Variants in CNTNAP5 observed in about 807,000 individuals in gnomAD.
The protein encoded by CNTNAP5 is contactin associated protein family member 5, also known as contactin-associated protein-like 5.
CNTNAP5 carries 72 observed loss-of-function variants against 150.2 expected under a neutral mutation model. That is an observed-to-expected ratio of 0.48 (90% confidence interval 0.40 to 0.58). The LOEUF is 0.58. Among genes scored for constraint, CNTNAP5 ranks in the 20% least tolerant of loss-of-function variants. CNTNAP5 has a pLI of 0.00. For synonymous variants in CNTNAP5, 672 were observed against 619.8 expected (o/e 1.08, Z -1.25); for missense variants, 1,636 against 1,626.2 (o/e 1.01, Z -0.10).
chr2:124,140,031 C>T (rs12619591), intron 1 of CNTNAP5, among the ~76,000 whole-genome samples: 12,924 of 152,070 alleles, frequency 0.085, 697 homozygotes, highest in East Asian at 0.32. Context: ...GGGTGACAGA[C>T]GCACCTGGAA....
intron 6 of CNTNAP5, among the ~76,000 whole-genome samples, chr2:124,450,757 C>G (rs987808715): frequency 6.6e-6 from 1 of 151,602 alleles, no homozygotes; most frequent in Non-Finnish European, 1.5e-5. Flanking sequence ...AAAAATAGTT[C>G]TTTTCTAACA....
chr2:124,137,893 A>G (rs1474192360), intron 1 of CNTNAP5, among the ~76,000 whole-genome samples: 1 of 152,120 alleles, frequency 6.6e-6, no homozygotes, highest in Non-Finnish European at 1.5e-5. Context: ...CAGGTTCTAA[A>G]TTCAGAAGAA....
chr2:124,165,143 A>C (rs943241384), intron 1 of CNTNAP5, among the ~76,000 whole-genome samples: 5 of 152,188 alleles, frequency 3.3e-5, no homozygotes, highest in African/African-American at 1.2e-4. Context: ...TCAGGTGATG[A>C]TATAAACAGA....
At chr2:124,303,222 C>T (rs1442436996) in intron 3 of CNTNAP5, among the ~76,000 whole-genome samples, 1 of 151,916 alleles carries the variant, frequency 6.6e-6, no homozygotes, top group African/African-American at 2.4e-5. Flanking sequence ...AGGAGGGAGG[C>T]AGAAACCAAG....
At chr2:124,262,254 T>G (rs1397806601) in intron 3 of CNTNAP5, among the ~76,000 whole-genome samples, 2 of 151,980 alleles carry the variant, frequency 1.3e-5, no homozygotes, top group Non-Finnish European at 2.9e-5. Flanking sequence ...CAAAAAATAA[T>G]AAATGAATAA....
intron 1 of CNTNAP5, among the ~76,000 whole-genome samples, chr2:124,039,712 G>A (rs180935506): frequency 7.9e-5 from 12 of 151,976 alleles, no homozygotes; most frequent in Admixed American, 3.3e-4. Flanking sequence ...TCTACACTGC[G>A]CTCTCTCCTC....
chr2:124,080,569 G>A lies in CNTNAP5; in HGVS notation c.82+54837G>A, dbSNP rs528281808. Among the ~76,000 whole-genome samples the A allele has an allele frequency of 6.6e-5, 10 of 152,218 alleles. No individual in the cohort carries two copies. The South Asian group carries it at 1.5e-3, about 22-fold the overall frequency. On this transcript the variant is annotated intron_variant, in intron 1 of 23. Coordinates refer to ENST00000682447, the MANE Select transcript of CNTNAP5 (RefSeq NM_001367498.1). Reference sequence around the variant, plus strand: ...AATTGATTGCACACAAAATTCATCCGAGGGAACACTGAAAATCATTTCCAA... The same window carrying A: ...AATTGATTGCACACAAAATTCATCCAAGGGAACACTGAAAATCATTTCCAA...
At chr2:124,058,702 A>G (rs1312203311) in intron 1 of CNTNAP5, among the ~76,000 whole-genome samples, 1 of 152,140 alleles carries the variant, frequency 6.6e-6, no homozygotes, top group Admixed American at 6.5e-5. Flanking sequence ...TAGGTGCTCA[A>G]ATTTTATTTG....
chr2:124,147,553 G>A (rs1684284894), intron 1 of CNTNAP5, among the ~76,000 whole-genome samples: 1 of 152,200 alleles, frequency 6.6e-6, no homozygotes, highest in South Asian at 2.1e-4. Context: ...ACACACAGAG[G>A]TTGAGTGAAG....
intron 18 of CNTNAP5, among the ~76,000 whole-genome samples, chr2:124,793,332 A>G (rs62171347): frequency 6.6e-6 from 1 of 152,198 alleles, no homozygotes; most frequent in African/African-American, 2.4e-5. Context: ...TTGTATACAT[A>G]AATTTTTTGG....
intron 1 of CNTNAP5, among the ~76,000 whole-genome samples, chr2:124,139,830 G>A (rs1006442105): frequency 1.1e-4 from 16 of 152,278 alleles, no homozygotes; most frequent in African/African-American, 2.4e-4. Flanking sequence ...AGCTCCCAGC[G>A]TGAGCGACGC....
At chr2:124,033,819 C>A (rs72976577) in intron 1 of CNTNAP5, among the ~76,000 whole-genome samples, 3 of 152,070 alleles carry the variant, frequency 2.0e-5, no homozygotes, top group African/African-American at 4.8e-5. Context: ...GGGAAGGGAG[C>A]CTTCCAATTC....
chr2:124,039,721 T>TC (rs1681316082), intron 1 of CNTNAP5, among the ~76,000 whole-genome samples: 1 of 151,864 alleles, frequency 6.6e-6, no homozygotes, highest in African/African-American at 2.4e-5. Flanking sequence ...CGCTCTCTCC[T>TC]CCCCCCAGTG....
intron 10 of CNTNAP5, among the ~76,000 whole-genome samples, chr2:124,530,732 A>G (rs1271741624): frequency 6.6e-6 from 1 of 152,126 alleles, no homozygotes; most frequent in Non-Finnish European, 1.5e-5. Context: ...AGAATAAGGC[A>G]TTCCTGACAC....
chr2:124,148,625 T>C (rs1194874962), intron 1 of CNTNAP5, among the ~76,000 whole-genome samples: 1 of 149,160 alleles, frequency 6.7e-6, no homozygotes, highest in African/African-American at 2.4e-5. Flanking sequence ...AAGGAAACTA[T>C]TGATAATGCT....
At chr2:124,869,358 A>G (rs1217671007) in intron 20 of CNTNAP5, among the ~76,000 whole-genome samples, 1 of 152,138 alleles carries the variant, frequency 6.6e-6, no homozygotes, top group African/African-American at 2.4e-5. Context: ...AGCAGGTTTC[A>G]TTTGTTTGCT....
chr2:124,644,571 C>A (rs986345957), intron 12 of CNTNAP5, among the ~76,000 whole-genome samples: 44 of 152,014 alleles, frequency 2.9e-4, no homozygotes, highest in Admixed American at 5.9e-4. Context: ...ATATGAAAAT[C>A]TATGTTTACT....
At chr2:124,516,017 A>G (rs1413004106) in intron 8 of CNTNAP5, among the ~76,000 whole-genome samples, 1 of 152,154 alleles carries the variant, frequency 6.6e-6, no homozygotes, top group African/African-American at 2.4e-5. Flanking sequence ...AGGCTGGGAA[A>G]AGAGGGGGAC....
intron 2 of CNTNAP5, among the ~76,000 whole-genome samples, chr2:124,241,666 G>T (rs1686889351): frequency 6.6e-6 from 1 of 152,142 alleles, no homozygotes; most frequent in Non-Finnish European, 1.5e-5. Flanking sequence ...ACTCTTCAAA[G>T]GCATAGTCGG....
Sources: gnomAD v4.1 joint callset for allele counts (sites outside exome capture counted in the v4.1 genomes callset) on GRCh38, gnomAD v4.1.1 for gene constraint, MANE v1.5 for transcripts, NCBI Gene and HGNC (gene_info 2026-07-23, HGNC 2026-07-21) for gene names.